Variants in ARC observed in about 807,000 individuals in gnomAD.
The protein encoded by ARC is activity-regulated cytoskeleton-associated protein.
ARC carries 10 observed loss-of-function variants against 20.0 expected under a neutral mutation model. That is an observed-to-expected ratio of 0.50 (90% confidence interval 0.31 to 0.85). The LOEUF is 0.85. ARC is among the 40% of genes least tolerant of loss of function. ARC has a pLI of 0.05. For synonymous variants in ARC, 269 were observed against 254.1 expected (o/e 1.06, Z -0.56); for missense variants, 454 against 555.5 (o/e 0.82, Z 1.84).
In ARC at chr8:142,612,624, G is replaced by A. The variant is rs1043318528; in HGVS notation, c.*457C>T. The stretch of plus-strand genomic sequence containing the variant: ...CAGGGAGGGCGTCAGCTGGCTCTGC[G>A]GATGCCGGGAGAGGGCGGCGGCGCC... On this transcript the variant is annotated 3_prime_UTR_variant, in exon 1 of 3. Transcript: ENST00000356613. The A allele has an allele frequency of 7.3e-5, 12 of 163,760 alleles. No individual in the cohort carries two copies. The highest frequency in any genetic ancestry group is 1.9e-4 in the African/African-American group (8 of 41,772). 10.1% of individuals were successfully genotyped at this position (163,760 alleles called of 1,614,324 possible).
At position 142,612,649 on chromosome 8, in the gene ARC, C is replaced by T. The variant is rs374317823; in HGVS notation, c.*432G>A. On this transcript the variant is annotated 3_prime_UTR_variant, in exon 1 of 3. Transcript: ENST00000356613. ...GGATGCCGGGAGAGGGCGGCGGCGC[C>T]GGAAGTCGAGGCTCCCTCAGCATTG... 16 of 169,300 alleles carry T rather than the reference C, an allele frequency of 9.5e-5. No individual in the cohort carries two copies. The East Asian group carries it at 9.8e-4, about 10-fold the overall frequency. The allele number at this position is 169,300 out of a possible 1,614,324, so 10.5% of individuals were successfully genotyped here.
Position 142,614,080 on chromosome 8 carries a change from C to T in ARC, c.192G>A (p.Leu64=). ...SKQVERELKG[L]HRSVGKLESN... Reference sequence around the variant, plus strand: ...TCTCCAGCTTCCCGACCGACCGGTGCAGCCCCTTCAGCTCGCGCTCCACCT... The same window carrying T: ...TCTCCAGCTTCCCGACCGACCGGTGTAGCCCCTTCAGCTCGCGCTCCACCT... Residue 64 remains leucine, a synonymous_variant, in exon 1 of 3, where the codon CTG becomes CTA. Transcript: ENST00000356613. 2 of 1,594,386 alleles carry T rather than the reference C, an allele frequency of 1.3e-6. No individual in the cohort carries two copies.
Position 142,614,015 on chromosome 8 carries a change from C to T in ARC, c.257G>A (p.Arg86His). The T allele has an allele frequency of 6.2e-7, 1 of 1,608,398 alleles. No homozygotes were observed. The highest frequency in any genetic ancestry group is 8.5e-7 in the Non-Finnish European group (1 of 1,179,144). Residue 86 changes from arginine to histidine, a missense_variant, in exon 1 of 3, where the codon CGC becomes CAC. Physicochemically the swap from Arg to His is conservative, Grantham distance 29 (BLOSUM62 0). Transcript: ENST00000356613. ...DGYVPTSDSQRWKKSIKACLC... is the reference protein window; with the variant it reads ...DGYVPTSDSQHWKKSIKACLC... The stretch of plus-strand genomic sequence containing the variant: ...GCAGGCCTTGATGGACTTCTTCCAG[C>T]GCTGCGAGTCGCTCGTGGGCACGTA...
At position 142,614,225 on chromosome 8, in the gene ARC, C is replaced by T; in HGVS notation, c.47G>A (p.Gly16Glu). 2 of 1,505,510 alleles carry T rather than the reference C, an allele frequency of 1.3e-6. No individual in the cohort carries two copies. The highest frequency in any genetic ancestry group is 2.6e-5 in the South Asian group (2 of 77,416). 93.3% of individuals were successfully genotyped at this position (1,505,510 alleles called of 1,614,324 possible). ...RTSGGLHAYPGPRGGQVAKPN... is the reference protein window; with the variant it reads ...RTSGGLHAYPEPRGGQVAKPN... The stretch of plus-strand genomic sequence containing the variant: ...CTTGGCCACCTGCCCGCCCCGCGGC[C>T]CGGGGTAGGCGTGGAGCCCGCCGCT... The change falls in exon 1 of 3, where the codon GGG (glycine) becomes GAG (glutamate). Residue 16 changes from glycine to glutamate, a missense_variant. Coordinates refer to ENST00000356613, the MANE Select transcript of ARC (RefSeq NM_015193.5).
rs975808439 is a variant in ARC at position 142,612,249 on chromosome 8, G to A, written c.*601C>T. Reference sequence around the variant, plus strand: ...CTTCTCCAGGCGGGCGTGAATCACTGGAGCTGGGGGAGAGAAAGCGCGGGT... The same window carrying A: ...CTTCTCCAGGCGGGCGTGAATCACTAGAGCTGGGGGAGAGAAAGCGCGGGT... On this transcript the variant is annotated 3_prime_UTR_variant, in exon 2 of 3. Coordinates refer to ENST00000356613, the MANE Select transcript of ARC (RefSeq NM_015193.5). 1 of 152,602 alleles carries A rather than the reference G, an allele frequency of 6.6e-6. No individual in the cohort carries two copies. The highest frequency in any genetic ancestry group is 2.4e-5 in the African/African-American group (1 of 41,462). 9.5% of individuals were successfully genotyped at this position (152,602 alleles called of 1,614,324 possible). A position where few individuals can be genotyped will look rare whatever the true frequency, so the allele number is the denominator to read the frequency against.
Position 142,611,787 on chromosome 8 carries a change from C to T in ARC, c.*813G>A, listed in dbSNP as rs1286474217. 1.3e-5 allele frequency: 2 copies of T among 152,512 alleles called. No homozygotes were observed. The highest frequency in any genetic ancestry group is 2.9e-5 in the Non-Finnish European group (2 of 68,244). 9.4% of individuals were successfully genotyped at this position (152,512 alleles called of 1,614,324 possible). A position where few individuals can be genotyped will look rare whatever the true frequency, so the allele number is the denominator to read the frequency against. ...CTGTCCTGGGACTTCGCCTCCCACG[C>T]AGGCAGCCTGCAAGGTGAGGGGTGG... On this transcript the variant is annotated 3_prime_UTR_variant, in exon 3 of 3. Coordinates refer to ENST00000356613, the MANE Select transcript of ARC (RefSeq NM_015193.5).
chr8:142,613,651 G>C lies in ARC; in HGVS notation c.621C>G (p.Pro207=). The C allele has an allele frequency of 6.4e-7, 1 of 1,571,216 alleles. No homozygotes were observed. Among genetic ancestry groups the C allele is most frequent in the Non-Finnish European group, 8.6e-7 (1 of 1,159,168 alleles). The change falls in exon 1 of 3, where the codon CCC becomes CCG. Residue 207 remains proline, a synonymous_variant. Transcript: ENST00000356613. ...WVPGEDGQPS[P]GVDTQIFEDP... is the part of the protein sequence containing the mutation. ...CCTCGAAGATCTGCGTGTCCACGCCGGGGCTGGGCTGCCCGTCCTCGCCGG... is the reference window on the plus strand; with the variant it reads ...CCTCGAAGATCTGCGTGTCCACGCCCGGGCTGGGCTGCCCGTCCTCGCCGG...
chr8:142,614,347 C>A lies in ARC; in HGVS notation c.-76G>T, dbSNP rs1846288459. On this transcript the variant is annotated 5_prime_UTR_variant, in exon 1 of 3. Transcript: ENST00000356613. ...GTGGTCCGGCGCTGGGGTCCGGCGG[C>A]CTGGGTCCCGTGCGGAGCTGCGGGG... is the stretch of plus-strand genomic sequence containing the variant. The A allele has an allele frequency of 1.6e-6, 2 of 1,250,358 alleles. No homozygotes were observed. The highest frequency in any genetic ancestry group is 2.0e-6 in the Non-Finnish European group (2 of 980,940). The allele number at this position is 1,250,358 out of a possible 1,614,324, so 77.5% of individuals were successfully genotyped here.
rs769526787 is a variant in ARC, at chr8:142,614,287, C to T, written c.-16G>A. 32 of 1,398,280 alleles carry T rather than the reference C, an allele frequency of 2.3e-5. No individual in the cohort carries two copies. The African/African-American group carries it at 4.8e-4, about 21-fold the overall frequency. 86.6% of individuals were successfully genotyped at this position (1,398,280 alleles called of 1,614,324 possible). A position where few individuals can be genotyped will look rare whatever the true frequency, so the allele number is the denominator to read the frequency against. On this transcript the variant is annotated 5_prime_UTR_variant, in exon 1 of 3. Transcript: ENST00000356613. ...CCAGCTCCATCTGTGCGCAGGTGCT[C>T]CGGCAGGCGGCAAACTCCTCGGGGC...
At position 142,613,846 on chromosome 8, in the gene ARC, C is replaced by G. The variant is rs1223166061; in HGVS notation, c.426G>C (p.Glu142Asp). The change falls in exon 1 of 3, where the codon GAG becomes GAC. Residue 142 changes from glutamate to aspartate, a missense_variant. By Grantham distance (45) the Glu-to-Asp change is conservative. Coordinates refer to ENST00000356613, the MANE Select transcript of ARC (RefSeq NM_015193.5). ...CCACGGAAACGGTGTGGCGGGCTGA[C>G]TCGCTGCCCACCGGGTACTTGCCGC... The part of the protein sequence containing the change: ...STGGKYPVGS[E>D]SARHTVSVGV... The G allele has an allele frequency of 1.3e-6, 2 of 1,541,160 alleles. No homozygotes were observed. The highest frequency in any genetic ancestry group is 2.4e-5 in the South Asian group (2 of 84,416).
rs998267484 is a variant in ARC at position 142,614,458 on chromosome 8, G to A, written c.-187C>T. 4 of 433,308 alleles carry A rather than the reference G, an allele frequency of 9.2e-6. No individual in the cohort carries two copies. The highest frequency in any genetic ancestry group is 1.5e-5 in the Non-Finnish European group (4 of 264,280). 26.8% of individuals were successfully genotyped at this position (433,308 alleles called of 1,614,324 possible). The stretch of plus-strand genomic sequence containing the variant: ...GTCCGGCTCGGCTGCTGCGGAGGGA[G>A]GACGCCGCGCCCGAGCTCTGCGCTG... On this transcript the variant is annotated 5_prime_UTR_variant, in exon 1 of 3. Transcript: ENST00000356613.
chr8:142,613,693 C>G lies in ARC; in HGVS notation c.579G>C (p.Gln193His). 6.4e-7 allele frequency: 1 copy of G among 1,569,414 alleles called. No individual in the cohort carries two copies. The highest frequency in any genetic ancestry group is 8.6e-7 in the Non-Finnish European group (1 of 1,160,282). The change falls in exon 1 of 3, where the codon CAG becomes CAC. Residue 193 changes from glutamine (Q) to histidine (H), a missense_variant. Physicochemically the swap from Gln to His is conservative, Grantham distance 24. Around this residue, in one of 3 missense-constraint regions of ARC, gnomAD observed 265 missense variants for 301.7 expected, o/e 0.88. Coordinates refer to ENST00000356613, the MANE Select transcript of ARC (RefSeq NM_015193.5). ...LPGQEPAEAQ[Q>H]YQPWVPGEDG... ...CCTCGCCGGGGACCCACGGCTGGTA[C>G]TGCTGGGCCTCGGCGGGCTCCTGCC...
rs755164360 is a variant in ARC at position 142,613,129 on chromosome 8, G to T, written c.1143C>A (p.Pro381=). The T allele has an allele frequency of 6.3e-7, 1 of 1,584,388 alleles. No individual in the cohort carries two copies. The change falls in exon 1 of 3, where the codon CCC becomes CCA. Residue 381 remains proline, a synonymous_variant. Transcript: ENST00000356613. ...PVEDEAETLT[P]APNSESVASD... ...TGGCCACGGACTCGCTGTTGGGGGC[G>T]GGCGTGAGGGTCTCCGCCTCATCCT...
At position 142,613,836 on chromosome 8, in the gene ARC, G is replaced by A. The variant is rs765780465; in HGVS notation, c.436C>T (p.His146Tyr). ...KYPVGSESARHTVSVGVGGPE... is the reference protein window; with the variant it reads ...KYPVGSESARYTVSVGVGGPE... ...CCCCCCACGCCCACGGAAACGGTGT[G>A]GCGGGCTGACTCGCTGCCCACCGGG... Residue 146 changes from histidine (H) to tyrosine (Y), a missense_variant, in exon 1 of 3, where the codon CAC (histidine) becomes TAC (tyrosine). Transcript: ENST00000356613. The A allele has an allele frequency of 4.5e-6, 7 of 1,540,514 alleles. No individual in the cohort carries two copies. In the East Asian group the frequency reaches 1.7e-4, roughly 37 times the overall value.
Position 142,613,706 on chromosome 8 carries a change from G to A in ARC, c.566C>T (p.Ala189Val). ...AAGELPGQEP[A>V]EAQQYQPWVP... is the part of the protein sequence containing the mutation. Reference sequence around the variant, plus strand: ...CCACGGCTGGTACTGCTGGGCCTCGGCGGGCTCCTGCCCGGGCAGCTCGCC... The same window carrying A: ...CCACGGCTGGTACTGCTGGGCCTCGACGGGCTCCTGCCCGGGCAGCTCGCC... The change falls in exon 1 of 3, where the codon GCC becomes GTC. Residue 189 changes from alanine (A) to valine (V), a missense_variant. Ala to Val is a moderately conservative substitution (Grantham distance 64). Around this residue, in one of 3 missense-constraint regions of ARC, gnomAD observed 265 missense variants for 301.7 expected, o/e 0.88. Transcript: ENST00000356613. The A allele has an allele frequency of 6.4e-7, 1 of 1,560,022 alleles. No homozygotes were observed. The highest frequency in any genetic ancestry group is 1.1e-5 in the South Asian group (1 of 87,486).
Position 142,612,126 on chromosome 8 carries a change from C to T in ARC, c.*724G>A, listed in dbSNP as rs1180625683. The stretch of plus-strand genomic sequence containing the variant: ...CCGTTACCTGTTGTCACTCTCCTGG[C>T]TCTGATGGTGCCAGCTGCTGCCTCA... On this transcript the variant is annotated 3_prime_UTR_variant, in exon 2 of 3. Transcript: ENST00000356613. 1 of 153,054 alleles carries T rather than the reference C, an allele frequency of 6.5e-6. No homozygotes were observed. The highest frequency in any genetic ancestry group is 1.5e-5 in the Non-Finnish European group (1 of 68,390). 9.5% of individuals were successfully genotyped at this position (153,054 alleles called of 1,614,324 possible). A position where few individuals can be genotyped will look rare whatever the true frequency, so the allele number is the denominator to read the frequency against.
Position 142,612,765 on chromosome 8 carries a change from G to C in ARC, c.*316C>G. The C allele has an allele frequency of 2.9e-6, 1 of 350,134 alleles. No homozygotes were observed. The highest frequency in any genetic ancestry group is 9.6e-5 in the South Asian group (1 of 10,448). 21.7% of individuals were successfully genotyped at this position (350,134 alleles called of 1,614,324 possible). A position where few individuals can be genotyped will look rare whatever the true frequency, so the allele number is the denominator to read the frequency against. ...ACACTTGGTTTTCTGGATGTCCAGA[G>C]GGCCTGGGTGTTGTAGCAGAATGAG... On this transcript the variant is annotated 3_prime_UTR_variant, in exon 1 of 3. Transcript: ENST00000356613.
chr8:142,613,897 G>C lies in ARC; in HGVS notation c.375C>G (p.Arg125=). 1 of 1,585,346 alleles carries C rather than the reference G, an allele frequency of 6.3e-7. No homozygotes were observed. The highest frequency in any genetic ancestry group is 8.5e-7 in the Non-Finnish European group (1 of 1,170,090). The part of the protein sequence containing the change: ...VWREVFYRLE[R]WADRLESTGG... ...CCGTGGACTCCAGGCGGTCGGCCCA[G>C]CGCTCCAGGCGGTAGAACACCTCGC... Residue 125 remains arginine (R), a synonymous_variant, in exon 1 of 3, where the codon CGC becomes CGG. Transcript: ENST00000356613.
In ARC at chr8:142,612,767, G is replaced by T; in HGVS notation, c.*314C>A. 2.8e-6 allele frequency: 1 copy of T among 359,394 alleles called. No individual in the cohort carries two copies. 22.3% of individuals were successfully genotyped at this position (359,394 alleles called of 1,614,324 possible). Reference sequence around the variant, plus strand: ...ACTTGGTTTTCTGGATGTCCAGAGGGCCTGGGTGTTGTAGCAGAATGAGGA... The same window carrying T: ...ACTTGGTTTTCTGGATGTCCAGAGGTCCTGGGTGTTGTAGCAGAATGAGGA... On this transcript the variant is annotated 3_prime_UTR_variant, in exon 1 of 3. Transcript: ENST00000356613.
Sources: allele counts gnomAD v4.1 joint callset, GRCh38; gene constraint gnomAD v4.1.1; regional missense constraint gnomAD v4.1.1; transcripts MANE v1.5; gene names NCBI Gene and HGNC (gene_info 2026-07-23, HGNC 2026-07-21).